Variants in STXBP5L observed in about 807,000 individuals in gnomAD.
STXBP5L encodes syntaxin-binding protein 5-like.
STXBP5L carries 65 observed loss-of-function variants against 144.5 expected under a neutral mutation model. The ratio of observed to expected loss-of-function variants is 0.45; its 90% CI spans 0.37 to 0.55. The LOEUF (loss-of-function observed/expected upper bound fraction) is 0.55, where lower values mean the gene tolerates loss of function less well. Ranked by LOEUF, STXBP5L falls within the 20% of genes least tolerant of loss-of-function variation. The probability of loss-of-function intolerance (pLI) is 0.00; values close to 1 mark genes in which losing one functional copy is unlikely to be tolerated. For synonymous variants in STXBP5L, 505 were observed against 469.6 expected (o/e 1.08, Z -0.97); for missense variants, 1,298 against 1,405.5 (o/e 0.92, Z 1.22).
intron 18 of STXBP5L, among the ~76,000 whole-genome samples, chr3:121,267,714 GA>G (rs1206229667): frequency 6.6e-6 from 1 of 151,596 alleles, no homozygotes. Flanking sequence ...AAATTTACAA[GA>G]AAAAAACAAC....
chr3:120,962,543 C>G (rs1938975455), intron 3 of STXBP5L, among the ~76,000 whole-genome samples: 1 of 152,096 alleles, frequency 6.6e-6, no homozygotes, highest in African/African-American at 2.4e-5. Flanking sequence ...AATCCTTTCC[C>G]CATTTCGTGT....
At chr3:121,004,011 T>G (rs1302472103) in intron 3 of STXBP5L, among the ~76,000 whole-genome samples, 1 of 152,102 alleles carries the variant, frequency 6.6e-6, no homozygotes, top group African/African-American at 2.4e-5. Flanking sequence ...TCTTTTGGCT[T>G]AGGATTGACT....
chr3:121,042,444 T>C (rs1426162214), intron 4 of STXBP5L, among the ~76,000 whole-genome samples: 2 of 152,178 alleles, frequency 1.3e-5, no homozygotes, highest in African/African-American at 4.8e-5. Flanking sequence ...TAGAGTCTTC[T>C]AGAGCTTCTT....
chr3:120,945,270 TTAGG>T (rs1710786613), intron 2 of STXBP5L, among the ~76,000 whole-genome samples: 2 of 151,788 alleles, frequency 1.3e-5, no homozygotes. Context: ...ATAGCATATA[TTAGG>T]TAATCATAGC....
chr3:121,050,664 A>G (rs182152674), intron 5 of STXBP5L, among the ~76,000 whole-genome samples: 1 of 152,322 alleles, frequency 6.6e-6, no homozygotes, highest in African/African-American at 2.4e-5. Context: ...GGCTAGGAAG[A>G]AACTGCATCA....
rs1009862381 is a variant in STXBP5L at position 121,013,421 on chromosome 3, T to A, written c.288-28279T>A. On this transcript the variant is annotated intron_variant, in intron 3 of 26. Transcript: ENST00000471454. ...GTGAGATGGTATCATATTGTGGTTT[T>A]AATTTGCATCTTTCTGATGATTAGT... 3.3e-5 allele frequency among the ~76,000 whole-genome samples: 5 copies of A among 152,156 alleles called. No homozygotes were observed. In the East Asian group the frequency reaches 9.6e-4, roughly 29 times the overall value.
At chr3:121,063,887 C>A (rs2041410571) in intron 5 of STXBP5L, among the ~76,000 whole-genome samples, 1 of 152,048 alleles carries the variant, frequency 6.6e-6, no homozygotes, top group Admixed American at 6.6e-5. Flanking sequence ...GCTGTGTTGA[C>A]AGCAAGAGTT....
chr3:121,378,578 C>T, intron 20 of STXBP5L, 138 bp from the exon 21 acceptor site: 1 of 998,610 alleles, frequency 1.0e-6, no homozygotes, highest in East Asian at 2.8e-5. Flanking sequence ...CTTAAAAGAA[C>T]AAGGACTTAA....
chr3:121,236,323 A>G (rs2049482043), intron 12 of STXBP5L, among the ~76,000 whole-genome samples: 1 of 152,122 alleles, frequency 6.6e-6, no homozygotes, highest in South Asian at 2.1e-4. Flanking sequence ...AGTCCCTTTT[A>G]TATTGTTATA....
intron 2 of STXBP5L, chr3:120,925,169 G>C (rs1244590578): frequency 6.6e-6 from 1 of 152,244 alleles, no homozygotes; most frequent in Non-Finnish European, 1.5e-5. Context: ...CGTTGCCTGG[G>C]CTTCACCTCC....
At chr3:120,973,153 C>CT (rs1016012872) in intron 3 of STXBP5L, among the ~76,000 whole-genome samples, 4 of 152,062 alleles carry the variant, frequency 2.6e-5, no homozygotes, top group African/African-American at 7.2e-5. Flanking sequence ...ACCATAAGTT[C>CT]TTTTTTGTAA....
chr3:121,010,382 G>T (rs553085626), intron 3 of STXBP5L, among the ~76,000 whole-genome samples: 1 of 151,620 alleles, frequency 6.6e-6, no homozygotes, highest in Non-Finnish European at 1.5e-5. Context: ...ACTGGGCAAG[G>T]TATTTTAATT....
rs2046624136 is a variant in STXBP5L at position 121,392,774 on chromosome 3, T to TGC, written c.2587+11242_2587+11243insGC. Among the ~76,000 whole-genome samples, 21 of 31,534 alleles carry TGC rather than the reference T, an allele frequency of 6.7e-4. No homozygotes were observed. The South Asian group carries it at 8.2e-3, about 12-fold the overall frequency. The allele number at this position is 31,534 out of a possible 152,430, so 20.7% of individuals were successfully genotyped here. ...TGACTGAGTAGTATTTCATGGCATA[T>TGC]ATATATATATATATATATATATATA... On this transcript the variant is annotated intron_variant, in intron 22 of 26. Coordinates refer to ENST00000471454, the MANE Select transcript of STXBP5L (RefSeq NM_001308330.2).
At chr3:121,292,174 C>T (rs1559941953) in intron 19 of STXBP5L, among the ~76,000 whole-genome samples, 2 of 151,960 alleles carry the variant, frequency 1.3e-5, no homozygotes, top group Non-Finnish European at 2.9e-5. Flanking sequence ...TATCTAGAAT[C>T]TATAGGAACT....
intron 19 of STXBP5L, among the ~76,000 whole-genome samples, chr3:121,287,778 G>A (rs555515040): frequency 4.6e-5 from 7 of 151,924 alleles, no homozygotes; most frequent in Admixed American, 2.6e-4. Flanking sequence ...GCAGTGAGCC[G>A]AGATCGCGCC....
At chr3:120,942,908 A>G in intron 2 of STXBP5L, among the ~76,000 whole-genome samples, 1 of 151,478 alleles carries the variant, frequency 6.6e-6, no homozygotes. Flanking sequence ...ATCCTATTTC[A>G]CATATTTACC....
intron 5 of STXBP5L, among the ~76,000 whole-genome samples, chr3:121,051,952 C>T (rs1221752610): frequency 6.6e-6 from 1 of 152,182 alleles, no homozygotes; most frequent in Non-Finnish European, 1.5e-5. Flanking sequence ...ATTACAAACA[C>T]CTCTATGGAA....
At chr3:121,060,937 A>AT (rs565329602) in intron 5 of STXBP5L, among the ~76,000 whole-genome samples, 117 of 151,782 alleles carry the variant, frequency 7.7e-4, no homozygotes, top group African/African-American at 1.1e-3. Flanking sequence ...GGATTTATTG[A>AT]TTTTTTTTGA....
intron 13 of STXBP5L, among the ~76,000 whole-genome samples, chr3:121,240,215 A>G (rs1401363073): frequency 6.6e-6 from 1 of 152,138 alleles, no homozygotes; most frequent in African/African-American, 2.4e-5. Context: ...GTTTATATAA[A>G]TGGTAAGATT....
Sources: allele counts gnomAD v4.1 joint callset (sites outside exome capture counted in the v4.1 genomes callset), GRCh38; gene constraint gnomAD v4.1.1; transcripts MANE v1.5; gene names NCBI Gene and HGNC (gene_info 2026-07-23, HGNC 2026-07-21).